FGF14: variants seen among roughly 807,000 people sequenced by gnomAD.
FGF14 encodes fibroblast growth factor 14.
In FGF14, 5 loss-of-function variants were observed where a neutral mutation model predicts 25.5. The ratio of observed to expected loss-of-function variants is 0.20; its 90% CI spans 0.10 to 0.41. FGF14 has a LOEUF of 0.41. FGF14 is among the 10% of genes least tolerant of loss of function. FGF14 has a pLI of 1.00. For missense variants in FGF14, 222 were observed against 320.1 expected (o/e 0.69, Z 2.34); for synonymous variants, 138 against 118.3 (o/e 1.17, Z -1.08).
chr13:101,801,427 T>G (rs1489156899), intron 3 of FGF14, among the ~76,000 whole-genome samples: 1 of 152,098 alleles, frequency 6.6e-6, no homozygotes, highest in African/African-American at 2.4e-5. Flanking sequence ...CTCCTCACTC[T>G]GCTGTTGTAA....
chr13:101,974,135 A>C (rs753916332), intron 1 of FGF14, among the ~76,000 whole-genome samples: 1 of 152,246 alleles, frequency 6.6e-6, no homozygotes, highest in Admixed American at 6.5e-5. Flanking sequence ...GAATAAGTCC[A>C]TATCTAGAAA....
At chr13:102,243,223 A>G (rs1474254930) in intron 1 of FGF14, among the ~76,000 whole-genome samples, 2 of 152,116 alleles carry the variant, frequency 1.3e-5, no homozygotes, top group South Asian at 2.1e-4. Context: ...CAATAGGAGA[A>G]AAATAACTTT....
At chr13:102,401,629 A>G (rs1322634910) in exon 1 of FGF14, 1 of 1,614,150 alleles carries the variant, frequency 6.2e-7, no homozygotes, top group East Asian at 2.2e-5. Context: ...GTGGTTGCAT[A>G]ATAATAATTT....
chr13:101,759,944 A>T (rs2037910136), intron 3 of FGF14, among the ~76,000 whole-genome samples: 1 of 152,152 alleles, frequency 6.6e-6, no homozygotes, highest in Admixed American at 6.6e-5. Flanking sequence ...GCAGCTAAAA[A>T]ACCTAATAAA....
At chr13:102,063,865 G>A (rs1043196627) in intron 1 of FGF14, among the ~76,000 whole-genome samples, 1 of 152,068 alleles carries the variant, frequency 6.6e-6, no homozygotes, top group Admixed American at 6.5e-5. Context: ...AATATATTAT[G>A]TCAACAATGA....
chr13:101,802,460 TTTATC>T (rs2040932022), intron 3 of FGF14: 1 of 195,914 alleles, frequency 5.1e-6, no homozygotes, highest in East Asian at 1.5e-4. Flanking sequence ...AAAAAACTGT[TTTATC>T]TGTCTCTTTG....
chr13:102,268,737 A>G (rs2053112706), intron 1 of FGF14, among the ~76,000 whole-genome samples: 2 of 152,166 alleles, frequency 1.3e-5, no homozygotes, highest in Admixed American at 6.6e-5. Flanking sequence ...CAAAAATTTA[A>G]TCCTTTAAGT....
At chr13:101,824,669 G>A (rs1014230521) in intron 3 of FGF14, among the ~76,000 whole-genome samples, 1 of 152,152 alleles carries the variant, frequency 6.6e-6, no homozygotes, top group Non-Finnish European at 1.5e-5. Context: ...GTGCATTTGA[G>A]ATGACTGATG....
chr13:101,859,284 G>A (rs2044287450), intron 3 of FGF14, among the ~76,000 whole-genome samples: 1 of 152,014 alleles, frequency 6.6e-6, no homozygotes, highest in Non-Finnish European at 1.5e-5. Context: ...TGAGGAAATG[G>A]GACAAATATT....
At chr13:102,031,982 C>T (rs1293083594) in intron 1 of FGF14, among the ~76,000 whole-genome samples, 1 of 152,080 alleles carries the variant, frequency 6.6e-6, no homozygotes, top group Admixed American at 6.6e-5. Flanking sequence ...GTTCATTAGC[C>T]TCCTGGCACA....
At chr13:102,264,959 G>C (rs1174903519) in intron 1 of FGF14, among the ~76,000 whole-genome samples, 5 of 152,038 alleles carry the variant, frequency 3.3e-5, no homozygotes, top group Non-Finnish European at 7.4e-5. Context: ...GGAAATTGGA[G>C]GCATATCATG....
intron 1 of FGF14, among the ~76,000 whole-genome samples, chr13:102,387,919 G>A (rs768422257): frequency 6.6e-6 from 1 of 152,066 alleles, no homozygotes; most frequent in Non-Finnish European, 1.5e-5. Flanking sequence ...TAGTAAAGAC[G>A]GGGTTTCACC....
intron 1 of FGF14, among the ~76,000 whole-genome samples, chr13:102,152,932 G>A (rs1451873145): frequency 1.3e-5 from 2 of 152,080 alleles, no homozygotes; most frequent in Non-Finnish European, 2.9e-5. Flanking sequence ...ACCACTTTTT[G>A]ACTTTCTATG....
chr13:101,968,123 A>G (rs2037331246), intron 1 of FGF14, among the ~76,000 whole-genome samples: 1 of 152,210 alleles, frequency 6.6e-6, no homozygotes, highest in African/African-American at 2.4e-5. Context: ...ACATTCTACA[A>G]CCAACCTCTG....
In FGF14 at chr13:102,165,511, T is replaced by C. The variant is rs556906863; in HGVS notation, c.208+235960A>G. 5.3e-4 allele frequency among the ~76,000 whole-genome samples: 80 copies of C among 151,918 alleles called. No individual in the cohort carries two copies. In the South Asian group the frequency reaches 9.8e-3, roughly 19 times the overall value. ...TAAAAAATGATGAGTTCATGTCCTT[T>C]GCAGGGACATGGATGAAGCTGGAAA... On this transcript the variant is annotated intron_variant, in intron 1 of 4. Transcript: ENST00000376131.
intron 1 of FGF14, among the ~76,000 whole-genome samples, chr13:102,157,355 A>G (rs1460437584): frequency 6.6e-6 from 1 of 152,220 alleles, no homozygotes; most frequent in African/African-American, 2.4e-5. Flanking sequence ...ATAATGCCAC[A>G]TATTTACAAC....
At chr13:102,182,410 C>T (rs563763815) in intron 1 of FGF14, among the ~76,000 whole-genome samples, 1 of 152,276 alleles carries the variant, frequency 6.6e-6, no homozygotes, top group East Asian at 1.9e-4. Flanking sequence ...ACCTCTGGAA[C>T]TGTACCATAA....
chr13:101,796,971 C>G (rs1594281908), intron 3 of FGF14, among the ~76,000 whole-genome samples: 1 of 152,160 alleles, frequency 6.6e-6, no homozygotes, highest in East Asian at 1.9e-4. Context: ...CACGGGATAA[C>G]TATCTTCTCT....
intron 1 of FGF14, among the ~76,000 whole-genome samples, chr13:101,878,387 C>A (rs900455821): frequency 1.3e-5 from 2 of 152,144 alleles, no homozygotes; most frequent in Non-Finnish European, 2.9e-5. Flanking sequence ...CAGATGACAT[C>A]AAATTCTTCC....
Sources: allele counts gnomAD v4.1 joint callset (sites outside exome capture counted in the v4.1 genomes callset), GRCh38; gene constraint gnomAD v4.1.1; transcripts MANE v1.5; gene names NCBI Gene and HGNC (gene_info 2026-07-23, HGNC 2026-07-21).